Variants in NPAS4 observed in about 807,000 individuals in gnomAD.
NPAS4 encodes the protein neuronal PAS domain-containing protein 4.
Under a neutral mutation model 64.0 loss-of-function variants are expected in NPAS4, and 10 were observed. That is an observed-to-expected ratio of 0.16 (90% CI 0.10 to 0.26). The LOEUF is 0.26. Among genes scored for constraint, NPAS4 ranks in the 10% least tolerant of loss-of-function variants. The probability of loss-of-function intolerance (pLI) is 1.00; values close to 1 mark genes in which losing one functional copy is unlikely to be tolerated. For synonymous variants in NPAS4, 441 were observed against 411.7 expected (o/e 1.07, Z -0.86); for missense variants, 886 against 992.6 (o/e 0.89, Z 1.44).
At position 66,422,768 on chromosome 11, in the gene NPAS4, T is replaced by A. The variant is rs756935260; in HGVS notation, c.525T>A (p.Ala175=). 1 of 1,614,170 alleles carries A rather than the reference T, an allele frequency of 6.2e-7. No homozygotes were observed. The highest frequency in any genetic ancestry group is 1.7e-5 in the Admixed American group (1 of 60,024). ...TGCTTATTCGAGGCCGATTCCATGC[T>A]CACCCACCTGGAGCCTACTGGGCAG... ...KLVLIRGRFH[A]HPPGAYWAGN... Residue 175 remains alanine, a synonymous_variant, in exon 4 of 8, where the codon GCT becomes GCA. Transcript: ENST00000311034.
chr11:66,422,442 T>A lies in NPAS4; in HGVS notation c.328-9T>A. ...CCCTAATGGTCATCTCTTCTTTTCC[T>A]CCCTCCAGGTGGACCTGGTTGCCCA... On this transcript the variant is annotated splice_polypyrimidine_tract_variant and intron_variant, in intron 2 of 7. Coordinates refer to ENST00000311034, the MANE Select transcript of NPAS4 (RefSeq NM_178864.4). 1 of 1,601,770 alleles carries A rather than the reference T, an allele frequency of 6.2e-7. No individual in the cohort carries two copies. Among genetic ancestry groups the A allele is most frequent in the Non-Finnish European group, 8.6e-7 (1 of 1,168,780 alleles).
chr11:66,415,355 C>T, the NPAS4 span, among the ~76,000 whole-genome samples: 1 of 152,158 alleles, frequency 6.6e-6, no homozygotes, highest in Non-Finnish European at 1.5e-5. Context: ...GAAATGATAG[C>T]TTGGTATACC....
Position 66,424,983 on chromosome 11 carries a change from C to G in NPAS4, c.2093C>G (p.Ala698Gly). The change falls in exon 7 of 8, where the codon GCT (alanine) becomes GGT (glycine). Residue 698 changes from alanine (A) to glycine (G), a missense_variant. Ala to Gly is a moderately conservative substitution (Grantham distance 60). This residue lies in a region of NPAS4 where 820 missense variants were observed against 855.5 expected (regional missense o/e 0.96). Coordinates refer to ENST00000311034, the MANE Select transcript of NPAS4 (RefSeq NM_178864.4). ...PWKCQELDFL[A>G]DPDNMFLEET... ...AAATGCCAGGAGCTGGACTTCCTGGCTGACCCTGATAACATGTTCCTGGAA... is the reference window on the plus strand; with the variant it reads ...AAATGCCAGGAGCTGGACTTCCTGGGTGACCCTGATAACATGTTCCTGGAA... The G allele has an allele frequency of 6.2e-7, 1 of 1,614,184 alleles. No homozygotes were observed. The highest frequency in any genetic ancestry group is 1.1e-5 in the South Asian group (1 of 91,084).
intron 1 of NPAS4, 145 bp from the exon 2 acceptor site, chr11:66,421,975 C>G: frequency 1.4e-6 from 1 of 690,912 alleles, no homozygotes; most frequent in Non-Finnish European, 2.5e-6. Flanking sequence ...TGGCCAAGAG[C>G]TGCGGGCAGC....
In NPAS4 at chr11:66,422,148, T is replaced by C; in HGVS notation, c.204T>C (p.Leu68=). 1 of 1,614,064 alleles carries C rather than the reference T, an allele frequency of 6.2e-7. No homozygotes were observed. Among genetic ancestry groups the C allele is most frequent in the Non-Finnish European group, 8.5e-7 (1 of 1,180,008 alleles). ...CTCCTCTGGCGGGCCCCACGGGGCT[T>C]CTCTCAGCTCAAGAGCTTGAGGACA... ...GGTPLAGPTG[L]LSAQELEDIV... Residue 68 remains leucine, a synonymous_variant, in exon 2 of 8, where the codon CTT becomes CTC. Coordinates refer to ENST00000311034, the MANE Select transcript of NPAS4 (RefSeq NM_178864.4).
At chr11:66,422,089 T>C (rs1476311482) in intron 1 of NPAS4, 31 bp from the exon 2 acceptor site, 1 of 1,606,620 alleles carries the variant, frequency 6.2e-7, no homozygotes, top group Admixed American at 1.7e-5. Context: ...CCAGTCTTAC[T>C]CCTGACGCAC....
chr11:66,422,093 G>C lies in NPAS4; in HGVS notation c.176-27G>C, dbSNP rs529128160. On this transcript the variant is annotated intron_variant, in intron 1 of 7. Coordinates refer to ENST00000311034, the MANE Select transcript of NPAS4 (RefSeq NM_178864.4). ...TTCTCTGCCTCCCAGTCTTACTCCT[G>C]ACGCACTACGTCTTCTCGCCCTACA... is the stretch of plus-strand genomic sequence containing the variant. 5.0e-6 allele frequency: 8 copies of C among 1,608,686 alleles called. No homozygotes were observed. The East Asian group carries it at 1.1e-4, about 22-fold the overall frequency.
Position 66,426,146 on chromosome 11 carries a change from G to GC in NPAS4, c.*157_*158insC. Reference sequence around the variant, plus strand: ...CAGGATTTTGGGGGGGGGGAGGTGGGAGGGCAAGGGAGGGGAGCTTCTTTT... The same window carrying GC: ...CAGGATTTTGGGGGGGGGGAGGTGGGCAGGGCAAGGGAGGGGAGCTTCTTTT... On this transcript the variant is annotated 3_prime_UTR_variant, in exon 8 of 8. Coordinates refer to ENST00000311034, the MANE Select transcript of NPAS4 (RefSeq NM_178864.4). The GC allele has an allele frequency of 2.8e-6, 1 of 359,458 alleles. No homozygotes were observed. Among genetic ancestry groups the GC allele is most frequent in the Non-Finnish European group, 5.6e-6 (1 of 178,704 alleles). The allele number at this position is 359,458 out of a possible 1,614,324, so 22.3% of individuals were successfully genotyped here. A position where few individuals can be genotyped will look rare whatever the true frequency, so the allele number is the denominator to read the frequency against.
chr11:66,412,069 C>T, the NPAS4 span, among the ~76,000 whole-genome samples: 1 of 152,176 alleles, frequency 6.6e-6, no homozygotes, highest in Non-Finnish European at 1.5e-5. Flanking sequence ...GAAGCTGGAG[C>T]CTCTGGAGGC....
At position 66,423,889 on chromosome 11, in the gene NPAS4, A is replaced by G; in HGVS notation, c.999A>G (p.Ala333=). 1 of 1,613,842 alleles carries G rather than the reference A, an allele frequency of 6.2e-7. No individual in the cohort carries two copies. Residue 333 remains alanine (A), a synonymous_variant, in exon 7 of 8, where the codon GCA becomes GCG. Transcript: ENST00000311034. ...RQQLNSEDTQ[A]AYVLGTPTML... ...AGTTGAACTCTGAAGACACCCAGGC[A>G]GCTTATGTCCTGGGCACTCCGACCA...
chr11:66,422,056 C>T, intron 1 of NPAS4, 64 bp from the exon 2 acceptor site: 3 of 1,436,700 alleles, frequency 2.1e-6, no homozygotes, highest in African/African-American at 1.4e-5. Context: ...CAGACCATGC[C>T]TTCCTCACTT....
At chr11:66,421,882 T>C (rs1856749313) in intron 1 of NPAS4, among the ~76,000 whole-genome samples, 1 of 152,160 alleles carries the variant, frequency 6.6e-6, no homozygotes. Context: ...TGTCCGCGGT[T>C]CTGAAATTAA....
the NPAS4 span, among the ~76,000 whole-genome samples, chr11:66,413,213 G>A: frequency 2.0e-5 from 3 of 152,230 alleles, no homozygotes; most frequent in Admixed American, 2.0e-4. Flanking sequence ...GCTTTCCAGA[G>A]GAGACGATAT....
intron 1 of NPAS4, among the ~76,000 whole-genome samples, chr11:66,421,841 G>T (rs1390983594): frequency 6.6e-6 from 1 of 152,198 alleles, no homozygotes; most frequent in Non-Finnish European, 1.5e-5. Flanking sequence ...CTCTGTCCGC[G>T]GTTCTGAAAT....
rs1297953507 is a variant in NPAS4 at position 66,422,063 on chromosome 11, ACTT to A, written c.176-51_176-49del. The stretch of plus-strand genomic sequence containing the variant: ...CTGAAACTCAGACCATGCCTTCCTC[ACTT>A]CTTCTCTGCCTCCCAGTCTTACTCC... On this transcript the variant is annotated intron_variant, in intron 1 of 7. Coordinates refer to ENST00000311034, the MANE Select transcript of NPAS4 (RefSeq NM_178864.4). 3.7e-5 allele frequency: 56 copies of A among 1,509,408 alleles called. No individual in the cohort carries two copies. The East Asian group carries it at 6.8e-4, about 18-fold the overall frequency. 93.5% of individuals were successfully genotyped at this position (1,509,408 alleles called of 1,614,324 possible).
chr11:66,411,106 C>G, the NPAS4 span: 3 of 152,346 alleles, frequency 2.0e-5, no homozygotes, highest in Non-Finnish European at 4.4e-5. Flanking sequence ...TCCAGGGTCC[C>G]TGCCCATCCA....
At chr11:66,421,518 C>T (rs1457512724) in intron 1 of NPAS4, among the ~76,000 whole-genome samples, 164 bp downstream of exon 1, 1 of 152,230 alleles carries the variant, frequency 6.6e-6, no homozygotes, top group East Asian at 1.9e-4. Flanking sequence ...TCCTGAGCTC[C>T]CTCCAGACCT....
the NPAS4 span, among the ~76,000 whole-genome samples, chr11:66,414,087 C>T: frequency 5.9e-5 from 9 of 152,148 alleles, no homozygotes; most frequent in African/African-American, 1.2e-4. Flanking sequence ...CAAGTAAACA[C>T]ACAGGGACAA....
At chr11:66,418,380 C>T (rs1856693459), upstream of NPAS4, among the ~76,000 whole-genome samples, 2 of 152,132 alleles carry the variant, frequency 1.3e-5, no homozygotes, top group Admixed American at 6.6e-5. Context: ...CTTGCTATTT[C>T]GGAACCGTCA....
Sources: gnomAD v4.1 joint callset for allele counts (sites outside exome capture counted in the v4.1 genomes callset) on GRCh38, gnomAD v4.1.1 for gene constraint, gnomAD v4.1.1 regional missense constraint, MANE v1.5 for transcripts, NCBI Gene and HGNC (gene_info 2026-07-23, HGNC 2026-07-21) for gene names.